The following NOTCH1 variants were observed in gnomAD, a reference collection of about 807,000 sequenced individuals.
The protein encoded by NOTCH1 is notch receptor 1, also known as neurogenic locus notch homolog protein 1.
Under a neutral mutation model 254.8 loss-of-function variants are expected in NOTCH1, and 37 were observed. The observed-to-expected ratio is 0.15, with a 90% CI of 0.11 to 0.19. The LOEUF (loss-of-function observed/expected upper bound fraction) is 0.19, where lower values mean the gene tolerates loss of function less well. NOTCH1 is among the 10% of genes least tolerant of loss of function. The probability of loss-of-function intolerance (pLI) is 1.00; values close to 1 mark genes in which losing one functional copy is unlikely to be tolerated. For missense variants in NOTCH1, 2,972 were observed against 3,708.6 expected (o/e 0.80, Z 5.16); for synonymous variants, 1,731 against 1,618.1 (o/e 1.07, Z -1.68).
rs1254974364 is a variant in NOTCH1 at position 136,495,090 on chromosome 9, T to C, written c.*981A>G. 6 of 398,980 alleles carry C rather than the reference T, an allele frequency of 1.5e-5. No homozygotes were observed. The highest frequency in any genetic ancestry group is 2.7e-5 in the Non-Finnish European group (6 of 226,102). The allele number at this position is 398,980 out of a possible 1,614,324, so 24.7% of individuals were successfully genotyped here. ...GGGCCCAGGCTGTGTTGCTGGAGCATCTTCTTCGGAACCTGGGGGACACTG... is the reference window on the plus strand; with the variant it reads ...GGGCCCAGGCTGTGTTGCTGGAGCACCTTCTTCGGAACCTGGGGGACACTG... On this transcript the variant is annotated 3_prime_UTR_variant, in exon 34 of 34. Coordinates refer to ENST00000651671, the MANE Select transcript of NOTCH1 (RefSeq NM_017617.5).
chr9:136,523,136 A>G lies in NOTCH1; in HGVS notation c.456T>C (p.Gly152=), dbSNP rs1044385750. The change falls in exon 4 of 34, where the codon GGT becomes GGC. Residue 152 remains glycine (G), a synonymous_variant. Transcript: ENST00000651671. ...DPCASNPCAN[G]GQCLPFEASY... is the part of the protein sequence containing the mutation. ...AGGCCTCGAAGGGCAGGCACTGGCC[A>G]CCGTTGGCGCAGGGGTTGGAGGCGC... 6.9e-6 allele frequency: 11 copies of G among 1,605,490 alleles called. No individual in the cohort carries two copies. Among genetic ancestry groups the G allele is most frequent in the Non-Finnish European group, 9.3e-6 (11 of 1,176,990 alleles).
At chr9:136,537,711 G>A (rs764601246) in intron 2 of NOTCH1, among the ~76,000 whole-genome samples, 1 of 152,154 alleles carries the variant, frequency 6.6e-6, no homozygotes, top group Non-Finnish European at 1.5e-5. Flanking sequence ...CAGGAGGATC[G>A]CTTGAGCCCA....
chr9:136,514,314 C>T (rs530956423), intron 13 of NOTCH1, among the ~76,000 whole-genome samples, 196 bp downstream of exon 13: 1 of 152,222 alleles, frequency 6.6e-6, no homozygotes, highest in African/African-American at 2.4e-5. Flanking sequence ...ACGCAGCACA[C>T]AGCTGCTGGG....
Position 136,494,930 on chromosome 9 carries a change from C to T in NOTCH1, c.*1141G>A, listed in dbSNP as rs1027350140. 1.0e-5 allele frequency: 4 copies of T among 398,632 alleles called. No homozygotes were observed. The highest frequency in any genetic ancestry group is 3.5e-5 in the East Asian group (1 of 28,214). The allele number at this position is 398,632 out of a possible 1,614,324, so 24.7% of individuals were successfully genotyped here. A position where few individuals can be genotyped will look rare whatever the true frequency, so the allele number is the denominator to read the frequency against. On this transcript the variant is annotated 3_prime_UTR_variant, in exon 34 of 34. Transcript: ENST00000651671. ...CGCCTCCCTCCAGCCCCTGCCCGACCGCATGCCCCCTGCCAGGGCTGCGGG... is the reference window on the plus strand; with the variant it reads ...CGCCTCCCTCCAGCCCCTGCCCGACTGCATGCCCCCTGCCAGGGCTGCGGG...
At position 136,532,463 on chromosome 9, in the gene NOTCH1, C is replaced by CCTGTGG. The variant is rs1291318463; in HGVS notation, c.141-8490_141-8485dup. Reference sequence around the variant, plus strand: ...CAAATCCCACACAGTCTCCCCAGAGCCTGTGGCTGGCCTCTGGGAGAGACC... The same window carrying CCTGTGG: ...CAAATCCCACACAGTCTCCCCAGAGCCTGTGGCTGTGGCTGGCCTCTGGGAGAGACC... On this transcript the variant is annotated intron_variant, in intron 2 of 33. Transcript: ENST00000651671. Among the ~76,000 whole-genome samples, 606 of 131,378 alleles carry CCTGTGG rather than the reference C, an allele frequency of 4.6e-3. 3 individuals are homozygous for CCTGTGG. The highest frequency in any genetic ancestry group is 0.016 in the African/African-American group (529 of 32,268). The allele number at this position is 131,378 out of a possible 152,430, so 86.2% of individuals were successfully genotyped here.
At chr9:136,522,198 C>T (rs955368150) in intron 4 of NOTCH1, among the ~76,000 whole-genome samples, 8 of 152,120 alleles carry the variant, frequency 5.3e-5, no homozygotes, top group African/African-American at 1.9e-4. Context: ...AGGATGGTCT[C>T]CATCTCCTGA....
rs944707215 is a variant in NOTCH1 at position 136,506,213 on chromosome 9, G to A, written c.4014+314C>T. Among the ~76,000 whole-genome samples the A allele has an allele frequency of 1.3e-5, 2 of 152,110 alleles. No homozygotes were observed. The highest frequency in any genetic ancestry group is 1.3e-4 in the Admixed American group (2 of 15,270). ...ACCACAAAGCCAAGGGCAAGCCCCAGGTACAGGAAGGGCTGCTGTTGGTAA... is the reference window on the plus strand; with the variant it reads ...ACCACAAAGCCAAGGGCAAGCCCCAAGTACAGGAAGGGCTGCTGTTGGTAA... On this transcript the variant is annotated intron_variant, in intron 24 of 33. Coordinates refer to ENST00000651671, the MANE Select transcript of NOTCH1 (RefSeq NM_017617.5). The surrounding 1 kb of genome is among the most constrained non-coding windows in gnomAD (Gnocchi z 4.5).
At chr9:136,537,960 G>C (rs552838484) in intron 2 of NOTCH1, among the ~76,000 whole-genome samples, 1 of 152,160 alleles carries the variant, frequency 6.6e-6, no homozygotes, top group Non-Finnish European at 1.5e-5. Flanking sequence ...GGGAGTGGTG[G>C]TATGTGCCTG....
intron 2 of NOTCH1, among the ~76,000 whole-genome samples, chr9:136,534,525 G>T (rs938250877): frequency 2.0e-5 from 3 of 152,140 alleles, no homozygotes; most frequent in Non-Finnish European, 2.9e-5. Context: ...GAGCTGGCAG[G>T]CCTCCCACTG....
At chr9:136,511,088 GC>G in intron 16 of NOTCH1, 63 bp downstream of exon 16, 1 of 1,609,992 alleles carries the variant, frequency 6.2e-7, no homozygotes, top group Non-Finnish European at 8.5e-7. Flanking sequence ...CCTGGGAGCT[GC>G]CTGTGTCCCG....
chr9:136,542,429 T>C (rs1260312286), intron 2 of NOTCH1, among the ~76,000 whole-genome samples: 1 of 149,778 alleles, frequency 6.7e-6, no homozygotes, highest in Non-Finnish European at 1.5e-5. Context: ...CCCCCAACAA[T>C]AGCTGCTGCA....
At position 136,508,112 on chromosome 9, in the gene NOTCH1, T is replaced by C. The variant is rs1843118145; in HGVS notation, c.3353A>G (p.His1118Arg). Residue 1118 changes from histidine to arginine, a missense_variant, in exon 21 of 34, where the codon CAT (histidine) becomes CGT (arginine). By Grantham distance (29) the His-to-Arg change is conservative. Coordinates refer to ENST00000651671, the MANE Select transcript of NOTCH1 (RefSeq NM_017617.5). Reference protein sequence around the residue: ...QGVDVARLCQHGGLCVDAGNT... With the variant: ...QGVDVARLCQRGGLCVDAGNT... ...GCCCGCGTCCACACAGAGCCCTCCA[T>C]GCTGGCACAGGCGGGCAACGTCAAC... 1.2e-6 allele frequency: 2 copies of C among 1,608,900 alleles called. No homozygotes were observed. Among genetic ancestry groups the C allele is most frequent in the Non-Finnish European group, 1.7e-6 (2 of 1,179,882 alleles).
intron 4 of NOTCH1, among the ~76,000 whole-genome samples, chr9:136,520,729 T>G (rs1843353598): frequency 8.9e-6 from 1 of 112,288 alleles, no homozygotes; most frequent in African/African-American, 4.5e-5. Context: ...CAGAGACCTG[T>G]CTCAAAAAAA....
intron 17 of NOTCH1, 98 bp from the exon 18 acceptor site, chr9:136,510,059 T>C (rs558953162): frequency 1.2e-5 from 15 of 1,208,206 alleles, no homozygotes; most frequent in Non-Finnish European, 1.7e-5. Context: ...AGCCCAGCCT[T>C]TCGTTGCCGA....
intron 4 of NOTCH1, among the ~76,000 whole-genome samples, chr9:136,522,229 G>A (rs371668444): frequency 8.5e-5 from 13 of 152,092 alleles, no homozygotes; most frequent in Non-Finnish European, 1.5e-4. Flanking sequence ...TGCCCACCTC[G>A]GCCTCCCAAA....
chr9:136,543,459 G>GGA (rs1310905658), intron 2 of NOTCH1: 1 of 262,380 alleles, frequency 3.8e-6, no homozygotes, highest in Non-Finnish European at 7.6e-6. Context: ...TGTGCCCAGA[G>GGA]GAGGCATTGC....
chr9:136,507,007 C>G lies in NOTCH1; in HGVS notation c.3644-34G>C, dbSNP rs765244972. On this transcript the variant is annotated intron_variant, in intron 22 of 33. Coordinates refer to ENST00000651671, the MANE Select transcript of NOTCH1 (RefSeq NM_017617.5). ...CCAGGTTTCGTCAGTGGCCCAAGCC[C>G]GCCACACCCCGGCCCTGCCGTGCCG... 1.2e-5 allele frequency: 19 copies of G among 1,584,898 alleles called. No homozygotes were observed. In the African/African-American group the frequency reaches 2.0e-4, roughly 17 times the overall value.
chr9:136,542,558 A>AAG (rs1843747282), intron 2 of NOTCH1, among the ~76,000 whole-genome samples: 1 of 151,488 alleles, frequency 6.6e-6, no homozygotes, highest in African/African-American at 2.4e-5. Context: ...AAAAAAAAAA[A>AAG]AAAAAAAAGT....
At chr9:136,541,131 G>A (rs188761421) in intron 2 of NOTCH1, among the ~76,000 whole-genome samples, 135 of 152,210 alleles carry the variant, frequency 8.9e-4, no homozygotes, top group Admixed American at 3.3e-4. Flanking sequence ...GCCACACCTC[G>A]CACAGCAGCT....
Sources: allele counts gnomAD v4.1 joint callset (sites outside exome capture counted in the v4.1 genomes callset), GRCh38; gene constraint gnomAD v4.1.1; non-coding constraint Gnocchi (gnomAD v3.1); transcripts MANE v1.5; gene names NCBI Gene and HGNC (gene_info 2026-07-23, HGNC 2026-07-21).